SYTL3: variants seen among roughly 807,000 people sequenced by gnomAD.
SYTL3 encodes the protein synaptotagmin like 3.
A neutral mutation model predicts 82.1 loss-of-function variants in SYTL3; 88 were observed. The observed-to-expected ratio is 1.07, with a 90% CI of 0.90 to 1.28. SYTL3 has a LOEUF of 1.28. Ranked by LOEUF, SYTL3 falls within the 50% of genes most tolerant of loss-of-function variation. SYTL3 has a pLI of 0.00. For synonymous variants in SYTL3, 311 were observed against 289.4 expected (o/e 1.07, Z -0.76); for missense variants, 831 against 757.6 (o/e 1.10, Z -1.14).
At chr6:158,720,401 T>C (rs1040362945) in intron 10 of SYTL3, among the ~76,000 whole-genome samples, 1 of 111,784 alleles carries the variant, frequency 8.9e-6, no homozygotes, top group Non-Finnish European at 1.8e-5. Context: ...AGTGAAACTT[T>C]GTCTCAAAAA....
In SYTL3 at chr6:158,713,959, T is replaced by C. The variant is rs761057751; in HGVS notation, c.595+81T>C. Reference sequence around the variant, plus strand: ...ACTGGCCAGGGCCTGGCCGGTGACCTCGGTTGACACTGTCCCTCAGGCCAC... The same window carrying C: ...ACTGGCCAGGGCCTGGCCGGTGACCCCGGTTGACACTGTCCCTCAGGCCAC... On this transcript the variant is annotated intron_variant, in intron 9 of 17. Coordinates refer to ENST00000611299, the MANE Select transcript of SYTL3 (RefSeq NM_001242394.2). The C allele has an allele frequency of 1.2e-3, 1,184 of 1,015,482 alleles. 3 individuals are homozygous for C. The highest frequency in any genetic ancestry group is 1.7e-3 in the Non-Finnish European group (1,103 of 661,550). The allele number at this position is 1,015,482 out of a possible 1,614,324, so 62.9% of individuals were successfully genotyped here.
chr6:158,658,790 A>C (rs915808052), intron 2 of SYTL3, among the ~76,000 whole-genome samples: 1 of 152,024 alleles, frequency 6.6e-6, no homozygotes, highest in African/African-American at 2.4e-5. Flanking sequence ...TTAGCCAGGC[A>C]TGGAGGCACA....
chr6:158,661,599 G>C lies in SYTL3; in HGVS notation c.-520+214G>C, dbSNP rs554633370. 1.8e-4 allele frequency among the ~76,000 whole-genome samples: 28 copies of C among 152,288 alleles called. No individual in the cohort carries two copies. In the South Asian group the frequency reaches 3.9e-3, roughly 21 times the overall value. ...TACAATAGGGAAACTGACAAATATT[G>C]AATTCCTGAACTGAGCAATCTTGGC... On this transcript the variant is annotated intron_variant, in intron 3 of 17. Coordinates refer to ENST00000611299, the MANE Select transcript of SYTL3 (RefSeq NM_001242394.2).
At chr6:158,685,216 C>CTCTT (rs769252041) in intron 6 of SYTL3, among the ~76,000 whole-genome samples, 5,769 of 135,520 alleles carry the variant, frequency 0.043, 374 homozygotes, top group African/African-American at 0.13. Context: ...CTCTCTCTCT[C>CTCTT]TTTTTTTTTT....
At chr6:158,760,042 A>C (rs1789697968) in intron 14 of SYTL3, among the ~76,000 whole-genome samples, 1 of 152,084 alleles carries the variant, frequency 6.6e-6, no homozygotes, top group Admixed American at 6.5e-5. Flanking sequence ...CCCCACTGGG[A>C]GAAGGATGGT....
chr6:158,687,724 A>T (rs973391350), intron 6 of SYTL3, among the ~76,000 whole-genome samples: 4 of 142,106 alleles, frequency 2.8e-5, no homozygotes, highest in Non-Finnish European at 4.4e-5. Flanking sequence ...CTTCATTCTC[A>T]CTTCCAACGT....
chr6:158,752,001 G>A lies in SYTL3; in HGVS notation c.1108G>A (p.Val370Met), dbSNP rs776749270. ...KRKTGVQRNT[V>M]DPTFQETLKY... ...CAAGACTGGAGTCCAAAGGAACACC[G>A]TGGACCCGACCTTTCAGGAGACCTT... The change falls in exon 13 of 18, where the codon GTG (valine) becomes ATG (methionine). Residue 370 changes from valine (V) to methionine (M), a missense_variant. Transcript: ENST00000611299. 1.1e-5 allele frequency: 18 copies of A among 1,601,908 alleles called. No homozygotes were observed. The highest frequency in any genetic ancestry group is 6.8e-5 in the South Asian group (6 of 88,846).
At chr6:158,668,449 G>A (rs992191480) in intron 5 of SYTL3, among the ~76,000 whole-genome samples, 3 of 152,246 alleles carry the variant, frequency 2.0e-5, no homozygotes, top group African/African-American at 2.4e-5. Context: ...GGCTGGCCTC[G>A]AATTCCTGAC....
intron 6 of SYTL3, among the ~76,000 whole-genome samples, chr6:158,704,058 C>G (rs928673114): frequency 6.6e-6 from 1 of 151,848 alleles, no homozygotes; most frequent in African/African-American, 2.4e-5. Flanking sequence ...AACTTCTGGC[C>G]TCAAGTGATC....
intron 14 of SYTL3, among the ~76,000 whole-genome samples, chr6:158,758,514 G>A (rs991193979): frequency 1.3e-5 from 2 of 151,776 alleles, no homozygotes; most frequent in Non-Finnish European, 2.9e-5. Flanking sequence ...CTTCTGCTCC[G>A]ACCTGGACAT....
In SYTL3 at chr6:158,689,958, C is replaced by T. The variant is rs143334920; in HGVS notation, c.394+6969C>T. ...CCTGAGCCACCATGTTAACTCTTTA[C>T]AATCATCAGGAGGCCCTATCTAATT... On this transcript the variant is annotated intron_variant, in intron 6 of 17. Coordinates refer to ENST00000611299, the MANE Select transcript of SYTL3 (RefSeq NM_001242394.2). 2.0e-3 allele frequency among the ~76,000 whole-genome samples: 312 copies of T among 152,296 alleles called. 1 individual carries two copies. Among genetic ancestry groups the T allele is most frequent in the Non-Finnish European group, 3.7e-3 (249 of 68,020 alleles).
At chr6:158,694,724 A>G (rs969699737) in intron 6 of SYTL3, among the ~76,000 whole-genome samples, 1 of 152,198 alleles carries the variant, frequency 6.6e-6, no homozygotes, top group African/African-American at 2.4e-5. Context: ...TTGTATCTCA[A>G]GTATCTTAAC....
chr6:158,646,833 C>T (rs189135983), upstream of SYTL3, among the ~76,000 whole-genome samples: 1 of 152,304 alleles, frequency 6.6e-6, no homozygotes, highest in Admixed American at 6.5e-5. Context: ...GCTTTGCCTG[C>T]CTGCCCTTCT....
chr6:158,675,316 T>G (rs1777902458), intron 5 of SYTL3, among the ~76,000 whole-genome samples: 2 of 152,168 alleles, frequency 1.3e-5, no homozygotes, highest in African/African-American at 4.8e-5. Context: ...TATTCGTGTT[T>G]TGTAAGAAGT....
chr6:158,702,067 G>A (rs1193667007), intron 6 of SYTL3, among the ~76,000 whole-genome samples: 1 of 151,924 alleles, frequency 6.6e-6, no homozygotes, highest in Non-Finnish European at 1.5e-5. Context: ...GTCAGTCCTG[G>A]GCTCAAGCTA....
chr6:158,647,177 G>A (rs1787534114), upstream of SYTL3, among the ~76,000 whole-genome samples: 1 of 152,216 alleles, frequency 6.6e-6, no homozygotes, highest in Admixed American at 6.5e-5. Flanking sequence ...TGTTATAACT[G>A]CGGATCACCA....
chr6:158,693,844 C>CTTTTTTTT (rs367789233), intron 6 of SYTL3, among the ~76,000 whole-genome samples: 1 of 55,602 alleles, frequency 1.8e-5, no homozygotes, highest in South Asian at 5.7e-4. Flanking sequence ...TCCAGCCTTT[C>CTTTTTTTT]TTTTTCTTTT....
At chr6:158,646,426 TC>T (rs1787465583), upstream of SYTL3, among the ~76,000 whole-genome samples, 1 of 152,172 alleles carries the variant, frequency 6.6e-6, no homozygotes, top group Non-Finnish European at 1.5e-5. Context: ...AGCCTCAGCC[TC>T]CCAAAGTGCT....
intron 2 of SYTL3, among the ~76,000 whole-genome samples, chr6:158,657,913 GAC>G (rs1788891200): frequency 1.3e-5 from 2 of 149,128 alleles, no homozygotes; most frequent in Admixed American, 6.7e-5. Context: ...TATTTTTTGA[GAC>G]GGAGTCTTGC....
Sources: allele counts gnomAD v4.1 joint callset (sites outside exome capture counted in the v4.1 genomes callset), GRCh38; gene constraint gnomAD v4.1.1; transcripts MANE v1.5; gene names NCBI Gene and HGNC (gene_info 2026-07-23, HGNC 2026-07-21).